SUGCT: variants seen among roughly 807,000 people sequenced by gnomAD.
SUGCT encodes succinyl-CoA:glutarate-CoA transferase, also known as succinyl-CoA:glutarate CoA-transferase.
A neutral mutation model predicts 55.0 loss-of-function variants in SUGCT; 41 were observed. That is an observed-to-expected ratio of 0.74 (90% CI 0.58 to 0.97). The LOEUF (loss-of-function observed/expected upper bound fraction) is 0.97. SUGCT is among the 50% of genes least tolerant of loss of function. The pLI is 0.00. For synonymous variants in SUGCT, 187 were observed against 200.4 expected (o/e 0.93, Z 0.56); for missense variants, 568 against 547.8 (o/e 1.04, Z -0.37).
chr7:40,651,235 C>T (rs1800762858), intron 12 of SUGCT, among the ~76,000 whole-genome samples: 1 of 152,194 alleles, frequency 6.6e-6, no homozygotes, highest in Non-Finnish European at 1.5e-5. Context: ...TCCTATCTCT[C>T]TGCACTTCAC....
At chr7:41,027,075 A>G in the SUGCT span, among the ~76,000 whole-genome samples, 1 of 152,228 alleles carries the variant, frequency 6.6e-6, no homozygotes, top group Non-Finnish European at 1.5e-5. Context: ...ACAAAAACAA[A>G]AACATCTTTC....
At chr7:40,708,391 A>G (rs1301533740) in intron 12 of SUGCT, among the ~76,000 whole-genome samples, 2 of 152,202 alleles carry the variant, frequency 1.3e-5, no homozygotes, top group Admixed American at 6.5e-5. Flanking sequence ...GGATGAAGGA[A>G]GTAAAGGAAT....
intron 1 of SUGCT, among the ~76,000 whole-genome samples, chr7:40,171,170 C>A (rs1342299381): frequency 1.3e-5 from 2 of 152,160 alleles, no homozygotes; most frequent in African/African-American, 2.4e-5. Flanking sequence ...TTTCTTGCCC[C>A]AGATTAAGTC....
chr7:40,396,808 C>T (rs879847247), intron 9 of SUGCT, among the ~76,000 whole-genome samples: 1 of 151,952 alleles, frequency 6.6e-6, no homozygotes, highest in African/African-American at 2.4e-5. Context: ...CCTCATTCTC[C>T]CTCTTTTGTA....
chr7:40,882,970 T>C, the SUGCT span, among the ~76,000 whole-genome samples: 2 of 152,210 alleles, frequency 1.3e-5, no homozygotes, highest in African/African-American at 4.8e-5. Context: ...TTCTAGTATA[T>C]GTGGATCAGC....
chr7:40,912,038 A>G, the SUGCT span, among the ~76,000 whole-genome samples: 1 of 152,134 alleles, frequency 6.6e-6, no homozygotes, highest in Admixed American at 6.5e-5. Context: ...TCAAGAAACT[A>G]TTGGCTTTTA....
At chr7:40,147,087 C>CGAGAG (rs1788288471) in intron 1 of SUGCT, among the ~76,000 whole-genome samples, 4 of 151,134 alleles carry the variant, frequency 2.6e-5, no homozygotes, top group African/African-American at 9.8e-5. Flanking sequence ...TCTCTCTCTC[C>CGAGAG]CTCTCTTTCC....
At chr7:40,415,747 CT>C (rs1445343532) in intron 9 of SUGCT, among the ~76,000 whole-genome samples, 4 of 152,040 alleles carry the variant, frequency 2.6e-5, no homozygotes, top group Non-Finnish European at 5.9e-5. Context: ...TGAATAAATA[CT>C]TTTTTCTTAC....
intron 9 of SUGCT, chr7:40,388,247 G>T (rs1175639998): frequency 2.0e-5 from 3 of 152,068 alleles, no homozygotes; most frequent in Non-Finnish European, 4.4e-5. Context: ...AAAATATGCT[G>T]TAATTACAGG....
intron 7 of SUGCT, among the ~76,000 whole-genome samples, chr7:40,271,318 CG>C (rs771960926): frequency 6.6e-6 from 1 of 151,794 alleles, no homozygotes; most frequent in Non-Finnish European, 1.5e-5. Context: ...AATATATAGG[CG>C]GGGGTCTCAC....
At chr7:40,672,545 T>C (rs1801992428) in intron 12 of SUGCT, among the ~76,000 whole-genome samples, 1 of 152,098 alleles carries the variant, frequency 6.6e-6, no homozygotes, top group African/African-American at 2.4e-5. Context: ...GAGTGGTTGC[T>C]AGGATTTAAG....
At chr7:40,317,148 C>A (rs1276751209) in intron 9 of SUGCT, among the ~76,000 whole-genome samples, 1 of 149,186 alleles carries the variant, frequency 6.7e-6, no homozygotes, top group Non-Finnish European at 1.5e-5. Context: ...TTTTTTCCCA[C>A]CTAAAAGAGG....
intron 10 of SUGCT, among the ~76,000 whole-genome samples, chr7:40,458,803 A>C (rs1379114328): frequency 1.3e-5 from 2 of 152,186 alleles, no homozygotes; most frequent in East Asian, 3.9e-4. Flanking sequence ...GGGATCTGCT[A>C]ACATGTTTCC....
At chr7:40,900,179 T>C in the SUGCT span, among the ~76,000 whole-genome samples, 1 of 152,260 alleles carries the variant, frequency 6.6e-6, no homozygotes, top group Non-Finnish European at 1.5e-5. Flanking sequence ...CTCCAGCTTC[T>C]CTGCGTATTT....
chr7:40,898,097 C>T, the SUGCT span, among the ~76,000 whole-genome samples: 1 of 152,272 alleles, frequency 6.6e-6, no homozygotes, highest in East Asian at 1.9e-4. Context: ...CTGTAACACT[C>T]ACCCAGAAGG....
chr7:40,414,179 C>T (rs1026038519), intron 9 of SUGCT, among the ~76,000 whole-genome samples: 1 of 152,170 alleles, frequency 6.6e-6, no homozygotes, highest in African/African-American at 2.4e-5. Flanking sequence ...CACTTATCTG[C>T]AGTTTTGCTT....
chr7:40,442,798 G>A (rs1788589477), intron 9 of SUGCT, among the ~76,000 whole-genome samples: 1 of 152,050 alleles, frequency 6.6e-6, no homozygotes, highest in South Asian at 2.1e-4. Flanking sequence ...GTGTATACAT[G>A]TGCCATGTTT....
At chr7:40,775,275 T>G (rs1789393871) in intron 13 of SUGCT, among the ~76,000 whole-genome samples, 1 of 152,240 alleles carries the variant, frequency 6.6e-6, no homozygotes, top group Non-Finnish European at 1.5e-5. Flanking sequence ...TGTGATATCC[T>G]TTTTCCAATT....
chr7:40,324,252 A>ATATATATATATATATATATATATATATAT (rs1554311560), intron 9 of SUGCT, among the ~76,000 whole-genome samples: 1 of 117,648 alleles, frequency 8.5e-6, no homozygotes, highest in African/African-American at 3.6e-5. Flanking sequence ...TAAATAAATA[A>ATATATATATATATATATATATATATATAT]ATATATATAT....
Sources: gnomAD v4.1 joint callset for allele counts (sites outside exome capture counted in the v4.1 genomes callset) on GRCh38, gnomAD v4.1.1 for gene constraint, MANE v1.5 for transcripts, NCBI Gene and HGNC (gene_info 2026-07-23, HGNC 2026-07-21) for gene names.